Variants in TARS1 observed in about 807,000 individuals in gnomAD.
TARS1 encodes the protein threonine--tRNA ligase 1, cytoplasmic.
Under a neutral mutation model 97.7 loss-of-function variants are expected in TARS1, and 57 were observed. That is an observed-to-expected ratio of 0.58 (90% CI 0.47 to 0.73). TARS1 has a LOEUF of 0.73. Ranked by LOEUF, TARS1 falls within the 30% of genes least tolerant of loss-of-function variation. The pLI, the probability that TARS1 is intolerant of heterozygous loss-of-function variation, is 0.00. For missense variants in TARS1, 806 were observed against 888.3 expected (o/e 0.91, Z 1.18); for synonymous variants, 312 against 293.7 (o/e 1.06, Z -0.64).
In TARS1 at chr5:33,443,320, C is replaced by CCTCTCTCT. The variant is rs769681224; in HGVS notation, c.58-1970_58-1963dup. ...TGTGGTGATTCCCTCTCTCTCTCTC[C>CCTCTCTCT]CTCTCTCTCTCTCTCTCTCTCTCTC... On this transcript the variant is annotated intron_variant, in intron 1 of 18. Coordinates refer to ENST00000265112, the MANE Select transcript of TARS1 (RefSeq NM_152295.5). 7.6e-3 allele frequency among the ~76,000 whole-genome samples: 903 copies of CCTCTCTCT among 118,450 alleles called. 37 individuals are homozygous for CCTCTCTCT. Among genetic ancestry groups the CCTCTCTCT allele is most frequent in the African/African-American group, 0.019 (586 of 31,458 alleles). The allele number at this position is 118,450 out of a possible 152,430, so 77.7% of individuals were successfully genotyped here. A position where few individuals can be genotyped will look rare whatever the true frequency, so the allele number is the denominator to read the frequency against.
intron 17 of TARS1, among the ~76,000 whole-genome samples, chr5:33,465,375 G>A (rs137925959): frequency 5.9e-4 from 90 of 152,252 alleles, no homozygotes; most frequent in African/African-American, 2.1e-3. Context: ...TTTCTTTTGC[G>A]GGGAGAGAAG....
chr5:33,455,294 TC>T (rs1340274671), intron 5 of TARS1, among the ~76,000 whole-genome samples: 1 of 152,170 alleles, frequency 6.6e-6, no homozygotes, highest in Non-Finnish European at 1.5e-5. Flanking sequence ...TTTGGGAAAT[TC>T]AGGGAGACTG....
At chr5:33,454,800 G>A in intron 4 of TARS1, 145 bp from the exon 5 acceptor site, 1 of 990,152 alleles carries the variant, frequency 1.0e-6, no homozygotes, top group Non-Finnish European at 1.4e-6. Context: ...GATAGAAACA[G>A]TAGTTTATAG....
chr5:33,443,318 TCC>T (rs796667499), intron 1 of TARS1, among the ~76,000 whole-genome samples: 2,280 of 120,444 alleles, frequency 0.019, 116 homozygotes, highest in East Asian at 0.069. Context: ...TCTCTCTCTC[TCC>T]CTCTCTCTCT....
intron 1 of TARS1, among the ~76,000 whole-genome samples, chr5:33,443,356 T>TCTCTCTCTCA (rs1741233090): frequency 1.4e-5 from 2 of 145,394 alleles, no homozygotes; most frequent in African/African-American, 5.2e-5. Context: ...TCTCTCTCTC[T>TCTCTCTCTCA]CTCTCACTAC....
In TARS1 at chr5:33,448,764, T is replaced by A. The variant is rs1168309824; in HGVS notation, c.329+33T>A. ...CTACACCCATCATGACCTTCCATAG[T>A]TTGTGGTCTAACTAAACTTCCTTTT... is the stretch of plus-strand genomic sequence containing the variant. On this transcript the variant is annotated intron_variant, in intron 3 of 18. Transcript: ENST00000265112. 3 of 1,487,058 alleles carry A rather than the reference T, an allele frequency of 2.0e-6. No individual in the cohort carries two copies. In the African/African-American group the frequency reaches 4.2e-5, roughly 21 times the overall value. The allele number at this position is 1,487,058 out of a possible 1,614,324, so 92.1% of individuals were successfully genotyped here. A position where few individuals can be genotyped will look rare whatever the true frequency, so the allele number is the denominator to read the frequency against.
chr5:33,461,694 G>T lies in TARS1; in HGVS notation c.1579G>T (p.Gly527Cys). 1 of 1,614,066 alleles carries T rather than the reference G, an allele frequency of 6.2e-7. No homozygotes were observed. The highest frequency in any genetic ancestry group is 8.5e-7 in the Non-Finnish European group (1 of 1,179,988). The change falls in exon 14 of 19, where the codon GGT (glycine) becomes TGT (cysteine). Residue 527 changes from glycine (G) to cysteine (C), a missense_variant. Physicochemically the swap from Gly to Cys is radical, Grantham distance 159 (BLOSUM62 -3). Transcript: ENST00000265112. ...KQLENSLNEF[G>C]EKWELNSGDG... is the part of the protein sequence containing the mutation. ...ACTTGAAAACAGTCTGAATGAATTT[G>T]GTGAAAAGTGGGAGTTAAACTCTGG...
rs3777080 is a variant in TARS1 at position 33,444,956 on chromosome 5, T to G, written c.58-368T>G. On this transcript the variant is annotated intron_variant, in intron 1 of 18. Coordinates refer to ENST00000265112, the MANE Select transcript of TARS1 (RefSeq NM_152295.5). ...ATTCATGGGCACACTTTGCATTCAG[T>G]TTTTTTTTTTTTCCCCTGGAAATAT... Among the ~76,000 whole-genome samples, 7 of 143,258 alleles carry G rather than the reference T, an allele frequency of 4.9e-5. No individual in the cohort carries two copies. In the East Asian group the frequency reaches 1.5e-3, roughly 30 times the overall value. The allele number at this position is 143,258 out of a possible 152,430, so 94.0% of individuals were successfully genotyped here.
chr5:33,462,860 A>G (rs888973080), intron 16 of TARS1, among the ~76,000 whole-genome samples: 1 of 152,192 alleles, frequency 6.6e-6, no homozygotes, highest in Admixed American at 6.5e-5. Flanking sequence ...TTGTAAAATG[A>G]CGTACATTGG....
intron 14 of TARS1, 69 bp from the exon 15 acceptor site, chr5:33,461,837 C>G: frequency 6.3e-7 from 1 of 1,586,360 alleles, no homozygotes; most frequent in Non-Finnish European, 8.6e-7. Flanking sequence ...AAAATCAGCC[C>G]TAATCCAACT....
intron 8 of TARS1, among the ~76,000 whole-genome samples, chr5:33,456,530 C>A (rs1440701782): frequency 6.6e-6 from 1 of 152,176 alleles, no homozygotes; most frequent in Non-Finnish European, 1.5e-5. Flanking sequence ...TGCTTTTGCC[C>A]TTTATATGTC....
At chr5:33,457,159 A>C in intron 8 of TARS1, 98 bp from the exon 9 acceptor site, 1 of 1,394,022 alleles carries the variant, frequency 7.2e-7, no homozygotes. Context: ...CTGCAGAATG[A>C]GTAACTACTC....
chr5:33,456,663 A>AT (rs913078171), intron 8 of TARS1, among the ~76,000 whole-genome samples: 30 of 149,234 alleles, frequency 2.0e-4, no homozygotes, highest in African/African-American at 6.1e-4. Context: ...TCATTTCAAG[A>AT]TTTTTTTTTT....
chr5:33,467,531 T>C, intron 18 of TARS1, 29 bp from the exon 19 acceptor site: 1 of 1,601,742 alleles, frequency 6.2e-7, no homozygotes, highest in East Asian at 2.2e-5. Context: ...TTAGATTAAG[T>C]CTGACAAAGC....
upstream of TARS1, chr5:33,440,776 G>A (rs991079068): frequency 1.6e-5 from 8 of 493,318 alleles, no homozygotes; most frequent in South Asian, 3.6e-5. Flanking sequence ...TCCAGACCAA[G>A]GTCAGCGGAG....
At chr5:33,461,883 A>G (rs1742309581) in intron 14 of TARS1, 23 bp from the exon 15 acceptor site, 3 of 1,607,164 alleles carry the variant, frequency 1.9e-6, no homozygotes, top group Non-Finnish European at 2.6e-6. Flanking sequence ...GCATTTTATA[A>G]TAACCCAGTC....
Position 33,440,982 on chromosome 5 carries a change from C to A in TARS1, c.-105C>A. ...CGCCTTTCGATTGCATCAGCTGGTC[C>A]AGCCGAGGCCAAGTCCCGGGCGCTA... On this transcript the variant is annotated 5_prime_UTR_variant, in exon 1 of 19. Transcript: ENST00000265112. 1 of 1,449,894 alleles carries A rather than the reference C, an allele frequency of 6.9e-7. No individual in the cohort carries two copies. The highest frequency in any genetic ancestry group is 9.6e-7 in the Non-Finnish European group (1 of 1,046,556). 89.8% of individuals were successfully genotyped at this position (1,449,894 alleles called of 1,614,324 possible).
chr5:33,448,553 C>T lies in TARS1; in HGVS notation c.151C>T (p.Pro51Ser). 1 of 1,582,804 alleles carries T rather than the reference C, an allele frequency of 6.3e-7. No individual in the cohort carries two copies. The highest frequency in any genetic ancestry group is 8.6e-7 in the Non-Finnish European group (1 of 1,163,232). Residue 51 changes from proline (P) to serine (S), a missense_variant, in exon 3 of 19, where the codon CCT becomes TCT. Pro to Ser is a moderately conservative substitution (Grantham distance 74). Transcript: ENST00000265112. ...TGTTGTCTTGCAGTTGAATCCTTGG[C>T]CTGAATATATTTACACACGTCTTGA... ...DGGRAELNPW[P>S]EYIYTRLEMY...
In TARS1 at chr5:33,455,685, C is replaced by T; in HGVS notation, c.674C>T (p.Thr225Ile). The T allele has an allele frequency of 6.2e-7, 1 of 1,606,462 alleles. No homozygotes were observed. The highest frequency in any genetic ancestry group is 1.1e-5 in the South Asian group (1 of 90,760). ...AFERLEVKKETLLAMFKYNKF... is the reference protein window; with the variant it reads ...AFERLEVKKEILLAMFKYNKF... ...GAAAGACTGGAAGTTAAGAAAGAAA[C>T]TTTACTGGCAATGTTTAAGGTAAAT... The change falls in exon 6 of 19, where the codon ACT becomes ATT. Residue 225 changes from threonine (T) to isoleucine (I), a missense_variant. Around this residue, in one of 3 missense-constraint regions of TARS1, gnomAD observed 356 missense variants for 357.8 expected, o/e 0.99. Transcript: ENST00000265112.
Sources: gnomAD v4.1 joint callset for allele counts (sites outside exome capture counted in the v4.1 genomes callset) on GRCh38, gnomAD v4.1.1 for gene constraint, gnomAD v4.1.1 regional missense constraint, MANE v1.5 for transcripts, NCBI Gene and HGNC (gene_info 2026-07-23, HGNC 2026-07-21) for gene names.